PIGQ: variants seen among roughly 807,000 people sequenced by gnomAD.
The protein encoded by PIGQ is phosphatidylinositol glycan anchor biosynthesis class Q, also known as phosphatidylinositol N-acetylglucosaminyltransferase subunit Q.
Under a neutral mutation model 60.3 loss-of-function variants are expected in PIGQ, and 54 were observed. The ratio of observed to expected loss-of-function variants is 0.90; its 90% confidence interval spans 0.72 to 1.12. The LOEUF is 1.12. PIGQ is among the 50% of genes most tolerant of loss of function. The pLI is 0.00. For synonymous variants in PIGQ, 416 were observed against 363.7 expected, an observed-to-expected ratio of 1.14 and a Z score of -1.64; for missense variants, 799 against 793.5, an observed-to-expected ratio of 1.01 and a Z score of -0.08.
At chr16:578,041 C>T (rs891656833) in intron 4 of PIGQ, 6 of 255,980 alleles carry the variant, frequency 2.3e-5, no homozygotes, top group Admixed American at 1.5e-4. Flanking sequence ...AGTGCGTCCA[C>T]GTGTTTGGGG....
chr16:583,615 C>T lies in PIGQ; in HGVS notation c.*580C>T, dbSNP rs1328370116. 1 of 1,612,766 alleles carries T rather than the reference C, an allele frequency of 6.2e-7. No individual in the cohort carries two copies. The highest frequency in any genetic ancestry group is 8.5e-7 in the Non-Finnish European group (1 of 1,179,950). ...CACGGGGTTTATTTGCGGATGTTCCCTGGAGAGGTCGCTTTGTGAAGAAAC... is the reference window on the plus strand; with the variant it reads ...CACGGGGTTTATTTGCGGATGTTCCTTGGAGAGGTCGCTTTGTGAAGAAAC... On this transcript the variant is annotated 3_prime_UTR_variant, in exon 11 of 11. Coordinates refer to ENST00000321878, the MANE Select transcript of PIGQ (RefSeq NM_004204.5).
intron 4 of PIGQ, among the ~76,000 whole-genome samples, chr16:577,594 A>G (rs1308791635): frequency 6.6e-6 from 1 of 152,074 alleles, no homozygotes; most frequent in Non-Finnish European, 1.5e-5. Context: ...AAAAAAAAAA[A>G]AAGTGTTCTT....
At position 579,062 on chromosome 16, in the gene PIGQ, C is replaced by T; in HGVS notation, c.1224-7C>T. ...GGGGCCGGGCCCGACAGCACTGCGT[C>T]CTGTAGGCTGTACTGCCTGAAGATC... is the stretch of plus-strand genomic sequence containing the variant. On this transcript the variant is annotated splice_region_variant and splice_polypyrimidine_tract_variant and intron_variant, in intron 6 of 10. Coordinates refer to ENST00000321878, the MANE Select transcript of PIGQ (RefSeq NM_004204.5). The T allele has an allele frequency of 1.9e-6, 3 of 1,608,130 alleles. No individual in the cohort carries two copies. Among genetic ancestry groups the T allele is most frequent in the Non-Finnish European group, 2.6e-6 (3 of 1,176,066 alleles).
intron 2 of PIGQ, among the ~76,000 whole-genome samples, chr16:575,397 G>A (rs1051647594): frequency 1.3e-5 from 2 of 152,206 alleles, no homozygotes; most frequent in Non-Finnish European, 2.9e-5. Flanking sequence ...CCCATGGGGA[G>A]CAGCTAGGGG....
At chr16:580,760 G>C (rs2035796790) in intron 8 of PIGQ, 98 bp from the exon 9 acceptor site, 1 of 741,714 alleles carries the variant, frequency 1.3e-6, no homozygotes, top group South Asian at 1.4e-5. Context: ...GGACCCTGCA[G>C]CCTCTGGGCC....
rs768663055 is a variant in PIGQ at position 583,659 on chromosome 16, AT to A, written c.*625del. The stretch of plus-strand genomic sequence containing the variant: ...AAGAAACCATCAGCAGGCTGTGAGC[AT>A]CGCCAGGCTGCTGTGGGGGCGGGAG... On this transcript the variant is annotated 3_prime_UTR_variant, in exon 11 of 11. Transcript: ENST00000321878. 3 of 1,611,262 alleles carry A rather than the reference AT, an allele frequency of 1.9e-6. No individual in the cohort carries two copies. Among genetic ancestry groups the A allele is most frequent in the Non-Finnish European group, 8.5e-7 (1 of 1,179,304 alleles).
intron 9 of PIGQ, among the ~76,000 whole-genome samples, chr16:581,603 C>T (rs56362139): frequency 0.047 from 7,129 of 151,596 alleles, 543 homozygotes; most frequent in African/African-American, 0.16. Context: ...GCTAGGATTA[C>T]AGGTGTGTGC....
At chr16:582,707 C>A in intron 10 of PIGQ, 176 bp from the exon 11 acceptor site, 1 of 730,528 alleles carries the variant, frequency 1.4e-6, no homozygotes, top group Non-Finnish European at 2.3e-6. Flanking sequence ...CCCCAGCGCT[C>A]CCTTCTGGCT....
chr16:581,426 C>T (rs2035807696), intron 9 of PIGQ: 1 of 943,550 alleles, frequency 1.1e-6, no homozygotes, highest in Non-Finnish European at 1.3e-6. Flanking sequence ...CTCTTCCCTG[C>T]TTGCCGGACA....
chr16:581,286 G>A, intron 9 of PIGQ: 1 of 1,331,752 alleles, frequency 7.5e-7, no homozygotes, highest in South Asian at 1.3e-5. Flanking sequence ...TGCAGGCCAG[G>A]GGCCAAGCGC....
intron 9 of PIGQ, 111 bp from the exon 10 acceptor site, chr16:582,137 A>G (rs1260415637): frequency 2.5e-6 from 2 of 808,532 alleles, no homozygotes. Context: ...GTGGGTGGCC[A>G]CGGCCAGCAG....
chr16:573,992 CTG>C, intron 1 of PIGQ, 72 bp from the exon 2 acceptor site: 1 of 1,072,384 alleles, frequency 9.3e-7, no homozygotes, highest in Admixed American at 2.6e-5. Flanking sequence ...GTCAGGCCGT[CTG>C]TGCAACATCC....
Position 578,042 on chromosome 16 carries a change from G to A in PIGQ, c.943-337G>A, listed in dbSNP as rs1010553436. ...GTCTGCCAGGCCTCAGTGCGTCCAC[G>A]TGTTTGGGGCCGAGGGCTCCAGTGG... On this transcript the variant is annotated intron_variant, in intron 4 of 10. Coordinates refer to ENST00000321878, the MANE Select transcript of PIGQ (RefSeq NM_004204.5). 6.6e-5 allele frequency: 17 copies of A among 257,288 alleles called. No individual in the cohort carries two copies. The East Asian group carries it at 8.2e-4, about 12-fold the overall frequency. The allele number at this position is 257,288 out of a possible 1,614,324, so 15.9% of individuals were successfully genotyped here.
intron 4 of PIGQ, chr16:576,459 C>G (rs1187831086): frequency 9.4e-6 from 6 of 636,370 alleles, no homozygotes; most frequent in Non-Finnish European, 1.6e-5. Flanking sequence ...AGGTACACCC[C>G]CCTTTCCTTC....
intron 4 of PIGQ, among the ~76,000 whole-genome samples, chr16:577,573 T>TTGGCCGGGCGCGGTGGCTCACG (rs2035741470): frequency 8.0e-6 from 1 of 125,784 alleles, no homozygotes; most frequent in Admixed American, 8.2e-5. Context: ...CAAGACTCCG[T>TTGGCCGGGCGCGGTGGCTCACG]CTCAGAAAAA....
At position 577,562 on chromosome 16, in the gene PIGQ, A is replaced by G. The variant is rs543133289; in HGVS notation, c.943-817A>G. Among the ~76,000 whole-genome samples the G allele has an allele frequency of 3.1e-3, 462 of 150,856 alleles. 3 individuals are homozygous for G. Among genetic ancestry groups the G allele is most frequent in the African/African-American group, 9.7e-3 (398 of 41,018 alleles). On this transcript the variant is annotated intron_variant, in intron 4 of 10. Coordinates refer to ENST00000321878, the MANE Select transcript of PIGQ (RefSeq NM_004204.5). ...ACTGCACTCCAGCCTGGGCGACAAAACAAGACTCCGTCTCAGAAAAAAAAA... is the reference window on the plus strand; with the variant it reads ...ACTGCACTCCAGCCTGGGCGACAAAGCAAGACTCCGTCTCAGAAAAAAAAA...
rs1225140835 is a variant in PIGQ, at chr16:583,107, C to T, written c.*72C>T. The T allele has an allele frequency of 5.6e-6, 9 of 1,613,002 alleles. No homozygotes were observed. Among genetic ancestry groups the T allele is most frequent in the Non-Finnish European group, 6.8e-6 (8 of 1,179,972 alleles). On this transcript the variant is annotated 3_prime_UTR_variant, in exon 11 of 11. Coordinates refer to ENST00000321878, the MANE Select transcript of PIGQ (RefSeq NM_004204.5). ...ATCTGCTCTGCCAGGGTGGCACCAG[C>T]TCAGCTGGCGCATGTCCTGTGCTTT...
intron 1 of PIGQ, among the ~76,000 whole-genome samples, chr16:571,341 CGTGT>C (rs3074438): frequency 1.5e-4 from 2 of 13,600 alleles, no homozygotes; most frequent in African/African-American, 7.1e-4. Context: ...GCCTGGTGCC[CGTGT>C]GTGTGTGTGT....
At position 584,061 on chromosome 16, in the gene PIGQ, CG is replaced by C; in HGVS notation, c.*1030del. On this transcript the variant is annotated 3_prime_UTR_variant, in exon 11 of 11. Transcript: ENST00000321878. ...CTGGGACTCCCTGGCAACCCAGCACCGGGGAAGCCGTCAGCTGCTGTGACAA... is the reference window on the plus strand; with the variant it reads ...CTGGGACTCCCTGGCAACCCAGCACCGGGAAGCCGTCAGCTGCTGTGACAA... 3.4e-6 allele frequency: 1 copy of C among 290,440 alleles called. No homozygotes were observed. The allele number at this position is 290,440 out of a possible 1,614,324, so 18.0% of individuals were successfully genotyped here. A position where few individuals can be genotyped will look rare whatever the true frequency, so the allele number is the denominator to read the frequency against.
Sources: gnomAD v4.1 joint callset for allele counts (sites outside exome capture counted in the v4.1 genomes callset) on GRCh38, gnomAD v4.1.1 for gene constraint, MANE v1.5 for transcripts, NCBI Gene and HGNC (gene_info 2026-07-23, HGNC 2026-07-21) for gene names.